Variants in NCAPD2 observed in about 807,000 individuals in gnomAD.
NCAPD2 encodes condensin complex subunit 1.
In NCAPD2, 100 loss-of-function variants were observed where a neutral mutation model predicts 164.5. The ratio of observed to expected loss-of-function variants is 0.61; its 90% CI spans 0.52 to 0.72. The LOEUF is 0.72. NCAPD2 is among the 30% of genes least tolerant of loss of function. NCAPD2 has a pLI of 0.00. For missense variants in NCAPD2, 1,560 were observed against 1,749.2 expected (o/e 0.89, Z 1.93); for synonymous variants, 585 against 642.6 (o/e 0.91, Z 1.36).
chr12:6,528,737 A>T lies in NCAPD2; in HGVS notation c.3358A>T (p.Ile1120Phe). ...KTAGLVMTHL[I>F]LKDMVKVKGQ... ...AGCGGGGCTGGTGATGACCCACCTG[A>T]TCCTCAAGGACATGGTGAAGGTGAA... Residue 1120 changes from isoleucine to phenylalanine, a missense_variant, in exon 26 of 32, where the codon ATC (isoleucine) becomes TTC (phenylalanine). Physicochemically the swap from Ile to Phe is conservative, Grantham distance 21. Coordinates refer to ENST00000315579, the MANE Select transcript of NCAPD2 (RefSeq NM_014865.4). This position sits in a 1 kb window ranked among gnomAD's most constrained non-coding sequence, Gnocchi z 5.1. The T allele has an allele frequency of 1.2e-6, 2 of 1,613,978 alleles. No individual in the cohort carries two copies. Among genetic ancestry groups the T allele is most frequent in the Non-Finnish European group, 1.7e-6 (2 of 1,179,964 alleles).
At chr12:6,498,733 G>A (rs1195364283) in intron 2 of NCAPD2, among the ~76,000 whole-genome samples, 7 of 151,488 alleles carry the variant, frequency 4.6e-5, no homozygotes, top group Non-Finnish European at 8.8e-5. Context: ...TCAGCCTCCT[G>A]AGTAGCCGGA....
chr12:6,508,000 A>C (rs1946112422), intron 2 of NCAPD2, among the ~76,000 whole-genome samples: 2 of 152,048 alleles, frequency 1.3e-5, no homozygotes, highest in African/African-American at 4.8e-5. Flanking sequence ...CTGGGCACCA[A>C]AGTGAGACCC....
In NCAPD2 at chr12:6,517,021, A is replaced by C. The variant is rs780431663; in HGVS notation, c.1181A>C (p.Gln394Pro). Residue 394 changes from glutamine to proline, a missense_variant, in exon 10 of 32, where the codon CAG becomes CCG. Physicochemically the swap from Gln to Pro is moderately conservative, Grantham distance 76 (BLOSUM62 -1). Coordinates refer to ENST00000315579, the MANE Select transcript of NCAPD2 (RefSeq NM_014865.4). ...CAGCTCTTCACCCGAATTGTCCAGCAGAAGGTAACCAACTTCTATGTGGCA... is the reference window on the plus strand; with the variant it reads ...CAGCTCTTCACCCGAATTGTCCAGCCGAAGGTAACCAACTTCTATGTGGCA... Reference protein sequence around the residue: ...VLQLFTRIVQQKALPLTRFQA... With the variant: ...VLQLFTRIVQPKALPLTRFQA... 5.5e-5 allele frequency: 89 copies of C among 1,614,068 alleles called. No homozygotes were observed. Among genetic ancestry groups the C allele is most frequent in the Admixed American group, 5.0e-5 (3 of 59,996 alleles).
intron 2 of NCAPD2, among the ~76,000 whole-genome samples, chr12:6,504,208 T>TATAG: frequency 4.4e-5 from 1 of 22,574 alleles, no homozygotes; most frequent in East Asian, 1.5e-3. Context: ...TATATATATA[T>TATAG]ATATATATAG....
rs1250047683 is a variant in NCAPD2, at chr12:6,506,715, C to A, written c.128-3002C>A. On this transcript the variant is annotated intron_variant, in intron 2 of 31. Coordinates refer to ENST00000315579, the MANE Select transcript of NCAPD2 (RefSeq NM_014865.4). ...AAAAAATTAGCCAGATATGGTAGAG[C>A]ATACCTGTTGTTCTAGCTACTCAGG... Among the ~76,000 whole-genome samples the A allele has an allele frequency of 7.2e-5, 11 of 151,974 alleles. No individual in the cohort carries two copies. In the East Asian group the frequency reaches 2.1e-3, roughly 29 times the overall value.
At position 6,511,145 on chromosome 12, in the gene NCAPD2, T is replaced by C; in HGVS notation, c.480T>C (p.Phe160=). 1 of 1,614,178 alleles carries C rather than the reference T, an allele frequency of 6.2e-7. No homozygotes were observed. The highest frequency in any genetic ancestry group is 8.5e-7 in the Non-Finnish European group (1 of 1,180,028). ...CTCGGACCAAGGCAGCCCATGGCTT[T>C]GACTGGGAAGAAGAGAGGCAACCAA... ...KKARTKAAHG[F]DWEEERQPIL... is the part of the protein sequence containing the mutation. Residue 160 remains phenylalanine, a synonymous_variant, in exon 6 of 32, where the codon TTT becomes TTC. Coordinates refer to ENST00000315579, the MANE Select transcript of NCAPD2 (RefSeq NM_014865.4).
chr12:6,504,216 T>TATACACATATATATAC (rs1406807438), intron 2 of NCAPD2, among the ~76,000 whole-genome samples: 2 of 23,224 alleles, frequency 8.6e-5, no homozygotes, highest in Admixed American at 1.2e-3. Context: ...TATATATATA[T>TATACACATATATATAC]AGATATAGAT....
At position 6,521,038 on chromosome 12, in the gene NCAPD2, C is replaced by A. The variant is rs1946258830; in HGVS notation, c.1642C>A (p.Pro548Thr). The A allele has an allele frequency of 6.2e-7, 1 of 1,614,070 alleles. No homozygotes were observed. Among genetic ancestry groups the A allele is most frequent in the South Asian group, 1.1e-5 (1 of 91,090 alleles). The change falls in exon 14 of 32, where the codon CCC becomes ACC. Residue 548 changes from proline (P) to threonine (T), a missense_variant. Physicochemically the swap from Pro to Thr is conservative, Grantham distance 38. Coordinates refer to ENST00000315579, the MANE Select transcript of NCAPD2 (RefSeq NM_014865.4). ...EATGHFQESE[P>T]FSHIDPEESE... ...CACAGGCCACTTCCAGGAGTCCGAA[C>A]CCTTCAGTCATATAGACCCAGAGGA...
Position 6,501,483 on chromosome 12 carries a change from C to T in NCAPD2, c.127+6258C>T, listed in dbSNP as rs1041540932. On this transcript the variant is annotated intron_variant, in intron 2 of 31. Coordinates refer to ENST00000315579, the MANE Select transcript of NCAPD2 (RefSeq NM_014865.4). ...GATTACAGGCGTGGGCCACCACACC[C>T]GGCCTTACAAGGCTTTTTGACTTGA... is the stretch of plus-strand genomic sequence containing the variant. Among the ~76,000 whole-genome samples the T allele has an allele frequency of 3.9e-5, 6 of 152,074 alleles. No homozygotes were observed. The East Asian group carries it at 1.2e-3, about 29-fold the overall frequency.
intron 18 of NCAPD2, 51 bp from the exon 19 acceptor site, chr12:6,526,017 C>T (rs547517942): frequency 7.8e-5 from 125 of 1,599,012 alleles, no homozygotes; most frequent in Middle Eastern, 1.7e-4. Flanking sequence ...CTTTCTCCCC[C>T]GATGAGTCCA....
intron 5 of NCAPD2, 121 bp from the exon 6 acceptor site, chr12:6,510,989 A>G: frequency 8.4e-6 from 11 of 1,315,818 alleles, no homozygotes; most frequent in Non-Finnish European, 1.2e-5. Context: ...AACTTGTAAT[A>G]TTTCTTCCGT....
At chr12:6,526,816 A>C in intron 21 of NCAPD2, 75 bp from the exon 22 acceptor site, 1 of 1,511,558 alleles carries the variant, frequency 6.6e-7, no homozygotes, top group Non-Finnish European at 9.0e-7. Context: ...GGGGAAGATC[A>C]GTAAAAATCG....
intron 6 of NCAPD2, among the ~76,000 whole-genome samples, chr12:6,513,316 G>A (rs1363861684): frequency 3.9e-5 from 6 of 152,156 alleles, no homozygotes; most frequent in African/African-American, 4.8e-5. Context: ...TGAGGCAGGA[G>A]GATCACTTGA....
rs2137056089 is a variant in NCAPD2 at position 6,522,040 on chromosome 12, A to G, written c.1954+3A>G. Reference sequence around the variant, plus strand: ...GATGTATGAAAACACAACTACAGGTATGCCAGAGTCCCTTTCTATAAGGAC... The same window carrying G: ...GATGTATGAAAACACAACTACAGGTGTGCCAGAGTCCCTTTCTATAAGGAC... On this transcript the variant is annotated splice_donor_region_variant and intron_variant, in intron 15 of 31. Transcript: ENST00000315579. 1 of 1,613,576 alleles carries G rather than the reference A, an allele frequency of 6.2e-7. No individual in the cohort carries two copies. The highest frequency in any genetic ancestry group is 8.5e-7 in the Non-Finnish European group (1 of 1,179,510).
intron 2 of NCAPD2, among the ~76,000 whole-genome samples, chr12:6,502,165 G>A (rs191781078): frequency 2.6e-5 from 4 of 152,276 alleles, no homozygotes; most frequent in African/African-American, 7.2e-5. Context: ...TCTGGTACAC[G>A]GGGAGGAGAT....
Position 6,528,412 on chromosome 12 carries a change from T to TC in NCAPD2, c.3299+88dup, listed in dbSNP as rs1409615134. ...TCAGTGTGAGAATCACCAGGGCTCT[T>TC]CCCCTAGGCTTTGGCATCACCGCGA... On this transcript the variant is annotated intron_variant, in intron 25 of 31. Transcript: ENST00000315579. This position sits in a 1 kb window ranked among gnomAD's most constrained non-coding sequence, Gnocchi z 5.1. 3.5e-5 allele frequency: 55 copies of TC among 1,561,080 alleles called. No individual in the cohort carries two copies. Among genetic ancestry groups the TC allele is most frequent in the Middle Eastern group, 2.3e-4 (1 of 4,408 alleles).
chr12:6,502,008 A>G (rs1447757339), intron 2 of NCAPD2, among the ~76,000 whole-genome samples: 1 of 152,162 alleles, frequency 6.6e-6, no homozygotes, highest in East Asian at 1.9e-4. Flanking sequence ...GAGATGATGA[A>G]TTTACATAAT....
chr12:6,526,408 C>T (rs765487057), intron 20 of NCAPD2, 37 bp downstream of exon 20: 17 of 1,613,992 alleles, frequency 1.1e-5, no homozygotes, highest in Middle Eastern at 1.6e-4. Context: ...AGAATTGGGC[C>T]CTTTGTTGCA....
At chr12:6,505,152 G>A (rs1047127039) in intron 2 of NCAPD2, among the ~76,000 whole-genome samples, 7 of 152,250 alleles carry the variant, frequency 4.6e-5, no homozygotes, top group Middle Eastern at 3.4e-3. Context: ...TGGAACCTCC[G>A]CCTCCCCGGG....
Sources: allele counts gnomAD v4.1 joint callset (sites outside exome capture counted in the v4.1 genomes callset), GRCh38; gene constraint gnomAD v4.1.1; non-coding constraint Gnocchi (gnomAD v3.1); transcripts MANE v1.5; gene names NCBI Gene and HGNC (gene_info 2026-07-23, HGNC 2026-07-21).